MAGI1: variants seen among roughly 807,000 people sequenced by gnomAD.
The protein encoded by MAGI1 is membrane associated guanylate kinase, WW and PDZ domain containing 1.
In MAGI1, 58 loss-of-function variants were observed where a neutral mutation model predicts 139.9. That is an observed-to-expected ratio of 0.41 (90% CI 0.34 to 0.52). MAGI1 has a LOEUF of 0.52. Among genes scored for constraint, MAGI1 ranks in the 20% least tolerant of loss-of-function variants. MAGI1 has a pLI of 0.12. For missense variants in MAGI1, 1,874 were observed against 1,901.6 expected (o/e 0.99, Z 0.27); for synonymous variants, 812 against 737.9 (o/e 1.10, Z -1.63).
chr3:65,537,179 T>C (rs1372130708), intron 2 of MAGI1, among the ~76,000 whole-genome samples: 1 of 152,174 alleles, frequency 6.6e-6, no homozygotes, highest in East Asian at 1.9e-4. Flanking sequence ...TGCACTCCAC[T>C]ATACACTGTC....
At chr3:65,430,611 TCAAA>T in intron 11 of MAGI1, 84 bp downstream of exon 11, 5 of 1,431,854 alleles carry the variant, frequency 3.5e-6, no homozygotes, top group Non-Finnish European at 3.8e-6. Context: ...TTGGTCTTGC[TCAAA>T]CAAACAACAT....
intron 1 of MAGI1, among the ~76,000 whole-genome samples, chr3:65,863,428 G>A (rs772617663): frequency 6.6e-6 from 1 of 152,186 alleles, no homozygotes; most frequent in Non-Finnish European, 1.5e-5. Flanking sequence ...TTGGTATGTT[G>A]TATAGGGTAA....
intron 1 of MAGI1, among the ~76,000 whole-genome samples, chr3:65,725,319 A>G (rs139686254): frequency 1.3e-5 from 2 of 152,162 alleles, no homozygotes; most frequent in African/African-American, 2.4e-5. Context: ...TCTCCATCTG[A>G]AAAACAGGGA....
At chr3:65,972,698 G>A (rs145891159) in intron 1 of MAGI1, among the ~76,000 whole-genome samples, 11 of 152,276 alleles carry the variant, frequency 7.2e-5, no homozygotes, top group African/African-American at 2.2e-4. Context: ...ACAACAAGGG[G>A]AAAAACATCA....
intron 1 of MAGI1, among the ~76,000 whole-genome samples, chr3:65,951,011 GGAAGGAAGGAA>G (rs2063821312): frequency 3.8e-5 from 5 of 130,570 alleles, no homozygotes; most frequent in Non-Finnish European, 6.8e-5. Flanking sequence ...AAGGAAGGAA[GGAAGGAAGGAA>G]GGAAGGAAGG....
intron 2 of MAGI1, among the ~76,000 whole-genome samples, chr3:65,501,118 A>G (rs9864728): frequency 1.3e-5 from 2 of 151,980 alleles, no homozygotes; most frequent in Admixed American, 6.5e-5. Context: ...CCCTCAAATC[A>G]AACTGCCTTT....
At chr3:65,532,958 G>A (rs1376776514) in intron 2 of MAGI1, 2 of 152,156 alleles carry the variant, frequency 1.3e-5, no homozygotes, top group Non-Finnish European at 2.9e-5. Flanking sequence ...TCTATACCAC[G>A]TGACTCTATG....
At chr3:65,845,349 G>A (rs1435276049) in intron 1 of MAGI1, among the ~76,000 whole-genome samples, 2 of 152,076 alleles carry the variant, frequency 1.3e-5, no homozygotes, top group African/African-American at 4.8e-5. Flanking sequence ...GGCCCCTGGA[G>A]TAACGCTGAA....
At chr3:65,936,916 T>TG (rs2063083743) in intron 1 of MAGI1, among the ~76,000 whole-genome samples, 1 of 149,130 alleles carries the variant, frequency 6.7e-6, no homozygotes, top group African/African-American at 2.5e-5. Context: ...TTGTTGTTGT[T>TG]GTTGGTGGTG....
At position 65,470,263 on chromosome 3, in the gene MAGI1, G is replaced by T; in HGVS notation, c.959+20C>A. The T allele has an allele frequency of 6.6e-7, 1 of 1,525,608 alleles. No homozygotes were observed. The highest frequency in any genetic ancestry group is 9.1e-7 in the Non-Finnish European group (1 of 1,101,912). The allele number at this position is 1,525,608 out of a possible 1,614,324, so 94.5% of individuals were successfully genotyped here. A position where few individuals can be genotyped will look rare whatever the true frequency, so the allele number is the denominator to read the frequency against. ...AAAGAAAGAGAGAGAGATTTAGGTA[G>T]AAATAATGGTATACTTTACTCTATA... On this transcript the variant is annotated intron_variant, in intron 5 of 22. Coordinates refer to ENST00000402939, the MANE Select transcript of MAGI1 (RefSeq NM_001033057.2).
intron 8 of MAGI1, 135 bp downstream of exon 8, chr3:65,442,657 C>T: frequency 3.4e-6 from 2 of 583,108 alleles, no homozygotes; most frequent in Non-Finnish European, 6.1e-6. Flanking sequence ...TTAATATATG[C>T]ATACATATTT....
intron 14 of MAGI1, among the ~76,000 whole-genome samples, chr3:65,383,845 A>G (rs976394990): frequency 6.6e-6 from 1 of 152,234 alleles, no homozygotes; most frequent in Non-Finnish European, 1.5e-5. Flanking sequence ...CACAGGACCC[A>G]TCACTGTTTG....
chr3:65,716,862 C>CA (rs1483157676), intron 1 of MAGI1, among the ~76,000 whole-genome samples: 6 of 152,180 alleles, frequency 3.9e-5, no homozygotes, highest in African/African-American at 1.4e-4. Context: ...CAGTTTATCA[C>CA]AAAATCTTAG....
At chr3:65,362,174 T>C (rs990292221) in intron 21 of MAGI1, among the ~76,000 whole-genome samples, 2 of 152,290 alleles carry the variant, frequency 1.3e-5, no homozygotes, top group Middle Eastern at 3.4e-3. Flanking sequence ...ACTTTCTTAC[T>C]TATAGAAGAG....
chr3:65,688,974 C>A (rs1329278669), intron 1 of MAGI1, among the ~76,000 whole-genome samples: 1 of 152,170 alleles, frequency 6.6e-6, no homozygotes, highest in Non-Finnish European at 1.5e-5. Context: ...GAAAAACAGA[C>A]TGCAAGAGAA....
intron 1 of MAGI1, among the ~76,000 whole-genome samples, chr3:65,654,092 T>G (rs909138065): frequency 6.6e-6 from 1 of 152,196 alleles, no homozygotes; most frequent in Non-Finnish European, 1.5e-5. Flanking sequence ...TAATGGAATT[T>G]TTTTAAACTC....
At chr3:65,405,145 T>C (rs2107146742) in intron 12 of MAGI1, among the ~76,000 whole-genome samples, 1 of 152,288 alleles carries the variant, frequency 6.6e-6, no homozygotes, top group East Asian at 1.9e-4. Flanking sequence ...GGGAAGTGTA[T>C]GTTCAAAGTG....
In MAGI1 at chr3:65,952,406, G is replaced by A. The variant is rs537233433; in HGVS notation, c.313+85590C>T. 8.5e-5 allele frequency among the ~76,000 whole-genome samples: 13 copies of A among 152,316 alleles called. No individual in the cohort carries two copies. In the South Asian group the frequency reaches 2.5e-3, roughly 29 times the overall value. On this transcript the variant is annotated intron_variant, in intron 1 of 22. Transcript: ENST00000402939. Reference sequence around the variant, plus strand: ...TACTTTTGCTCTGCAAAGGGAACAGGAAGAACAGCAAGGAGTGTATATTTA... The same window carrying A: ...TACTTTTGCTCTGCAAAGGGAACAGAAAGAACAGCAAGGAGTGTATATTTA...
intron 1 of MAGI1, among the ~76,000 whole-genome samples, chr3:65,988,076 G>T (rs1202549965): frequency 1.3e-5 from 2 of 152,112 alleles, no homozygotes; most frequent in South Asian, 4.1e-4. Context: ...CTTAAAAAAT[G>T]AACAAAACAA....
Sources: allele counts gnomAD v4.1 joint callset (sites outside exome capture counted in the v4.1 genomes callset), GRCh38; gene constraint gnomAD v4.1.1; transcripts MANE v1.5; gene names NCBI Gene and HGNC (gene_info 2026-07-23, HGNC 2026-07-21).